The following GPR39 variants were observed in gnomAD, a reference collection of about 807,000 sequenced individuals.
GPR39 encodes the protein zinc sensing receptor.
Under a neutral mutation model 18.4 loss-of-function variants are expected in GPR39, and 23 were observed. That is an observed-to-expected ratio of 1.25 (90% CI 0.90 to 1.77). GPR39 has a LOEUF of 1.77. Ranked by LOEUF, GPR39 falls within the 40% of genes most tolerant of loss-of-function variation. GPR39 has a pLI of 0.00. For missense variants in GPR39, 647 were observed against 602.4 expected (o/e 1.07, Z -0.78); for synonymous variants, 280 against 257.9 (o/e 1.09, Z -0.82).
intron 1 of GPR39, among the ~76,000 whole-genome samples, chr2:132,462,164 G>C (rs1474644380): frequency 6.6e-6 from 1 of 152,174 alleles, no homozygotes; most frequent in South Asian, 2.1e-4. Flanking sequence ...ATGTACAGCA[G>C]TTTATTAAGT....
At chr2:132,441,796 T>A (rs904065572) in intron 1 of GPR39, among the ~76,000 whole-genome samples, 1 of 152,192 alleles carries the variant, frequency 6.6e-6, no homozygotes, top group African/African-American at 2.4e-5. Flanking sequence ...GTCTTAATGA[T>A]CTAAGACTCA....
intron 1 of GPR39, among the ~76,000 whole-genome samples, chr2:132,569,987 C>A (rs984502684): frequency 2.0e-5 from 3 of 152,116 alleles, no homozygotes; most frequent in Admixed American, 2.0e-4. Flanking sequence ...TGCCCAGTCT[C>A]GGGTTTGTCT....
rs115996974 is a variant in GPR39, at chr2:132,491,296, A to T, written c.856+73398A>T. On this transcript the variant is annotated intron_variant, in intron 1 of 1. Transcript: ENST00000329321. ...TCTTTTTGGAGAGACAATTCTGTGTATATTAAATGTCTGCCTTGAGAGTCA... is the reference window on the plus strand; with the variant it reads ...TCTTTTTGGAGAGACAATTCTGTGTTTATTAAATGTCTGCCTTGAGAGTCA... Among the ~76,000 whole-genome samples, 1,493 of 152,270 alleles carry T rather than the reference A, an allele frequency of 9.8e-3. 30 individuals carry two copies. Among genetic ancestry groups the T allele is most frequent in the African/African-American group, 0.034 (1,421 of 41,558 alleles).
At chr2:132,468,034 G>A (rs563091239) in intron 1 of GPR39, among the ~76,000 whole-genome samples, 3 of 152,168 alleles carry the variant, frequency 2.0e-5, no homozygotes, top group Non-Finnish European at 2.9e-5. Flanking sequence ...TCAGCTCCTG[G>A]TACCATTTTC....
intron 1 of GPR39, among the ~76,000 whole-genome samples, chr2:132,620,536 C>G (rs572328056): frequency 6.6e-6 from 1 of 152,278 alleles, no homozygotes; most frequent in South Asian, 2.1e-4. Context: ...CTCAGACGCC[C>G]CTCCTTCCCC....
At chr2:132,443,414 T>A (rs1207314292) in intron 1 of GPR39, among the ~76,000 whole-genome samples, 1 of 152,208 alleles carries the variant, frequency 6.6e-6, no homozygotes, top group Admixed American at 6.5e-5. Flanking sequence ...TGAGTACCCA[T>A]ACAACCATTC....
chr2:132,471,249 C>A (rs1012945636), intron 1 of GPR39, among the ~76,000 whole-genome samples: 1 of 152,056 alleles, frequency 6.6e-6, no homozygotes, highest in Non-Finnish European at 1.5e-5. Context: ...GAGAATAGTC[C>A]ATCCAGTTAG....
intron 1 of GPR39, among the ~76,000 whole-genome samples, chr2:132,568,927 A>C (rs1680395981): frequency 6.6e-6 from 1 of 152,042 alleles, no homozygotes; most frequent in Admixed American, 6.5e-5. Context: ...TCTGCTACTG[A>C]GGGCTTTGGG....
chr2:132,516,933 GAT>G (rs1190980288), intron 1 of GPR39, among the ~76,000 whole-genome samples: 1 of 152,176 alleles, frequency 6.6e-6, no homozygotes, highest in African/African-American at 2.4e-5. Context: ...TCATATTGGT[GAT>G]ACCAGTGCTC....
intron 1 of GPR39, among the ~76,000 whole-genome samples, chr2:132,544,236 T>C (rs1224430545): frequency 6.6e-6 from 1 of 152,204 alleles, no homozygotes; most frequent in East Asian, 1.9e-4. Context: ...TCTTCCTGCT[T>C]ATCAGGTTGC....
intron 1 of GPR39, among the ~76,000 whole-genome samples, chr2:132,502,345 T>C (rs1190291677): frequency 6.6e-6 from 1 of 152,182 alleles, no homozygotes; most frequent in Admixed American, 6.5e-5. Context: ...AAGCTTAGTT[T>C]TGATGGATAC....
chr2:132,584,188 A>G (rs933595644), intron 1 of GPR39, among the ~76,000 whole-genome samples: 1 of 152,150 alleles, frequency 6.6e-6, no homozygotes, highest in Admixed American at 6.5e-5. Context: ...CCTGTGGTGC[A>G]GAAGAAAAGG....
At chr2:132,530,080 A>G (rs536988902) in intron 1 of GPR39, among the ~76,000 whole-genome samples, 2 of 152,210 alleles carry the variant, frequency 1.3e-5, no homozygotes, top group African/African-American at 4.8e-5. Flanking sequence ...GTTCGAACCA[A>G]TGGCAAAGAA....
chr2:132,436,526 A>T (rs1680321676), intron 1 of GPR39, among the ~76,000 whole-genome samples: 1 of 152,216 alleles, frequency 6.6e-6, no homozygotes, highest in African/African-American at 2.4e-5. Context: ...CCATTTTAAT[A>T]ATAATAATGA....
At chr2:132,515,135 T>C (rs748348997) in intron 1 of GPR39, among the ~76,000 whole-genome samples, 64 of 152,362 alleles carry the variant, frequency 4.2e-4, no homozygotes, top group Middle Eastern at 3.4e-3. Context: ...ACTTTGACGT[T>C]AACCTGCCAT....
At chr2:132,435,045 G>T (rs550322875) in intron 1 of GPR39, among the ~76,000 whole-genome samples, 1 of 152,252 alleles carries the variant, frequency 6.6e-6, no homozygotes, top group East Asian at 1.9e-4. Context: ...AATTATTCGA[G>T]ACTCTTTTTG....
At chr2:132,515,261 G>C (rs1290152037) in intron 1 of GPR39, among the ~76,000 whole-genome samples, 1 of 152,214 alleles carries the variant, frequency 6.6e-6, no homozygotes, top group Non-Finnish European at 1.5e-5. Context: ...CAGTGGGTGA[G>C]AAAATGCAAG....
chr2:132,530,201 G>A (rs1357418329), intron 1 of GPR39, among the ~76,000 whole-genome samples: 2 of 152,174 alleles, frequency 1.3e-5, no homozygotes, highest in African/African-American at 4.8e-5. Flanking sequence ...AGAACGATGT[G>A]ACAAATGCAC....
chr2:132,583,884 A>G (rs980887310), intron 1 of GPR39, among the ~76,000 whole-genome samples: 1 of 151,980 alleles, frequency 6.6e-6, no homozygotes, highest in Non-Finnish European at 1.5e-5. Flanking sequence ...CTCCAGGTAC[A>G]CAGCCCAGGA....
Sources: allele counts gnomAD v4.1 joint callset (sites outside exome capture counted in the v4.1 genomes callset), GRCh38; gene constraint gnomAD v4.1.1; transcripts MANE v1.5; gene names NCBI Gene and HGNC (gene_info 2026-07-23, HGNC 2026-07-21).